Variants in MTMR7 observed in about 807,000 individuals in gnomAD.
MTMR7 encodes myotubularin related protein 7.
In MTMR7, 76 loss-of-function variants were observed where a neutral mutation model predicts 81.2. That is an observed-to-expected ratio of 0.94 (90% confidence interval 0.78 to 1.13). MTMR7 has a LOEUF of 1.13. Ranked by LOEUF, MTMR7 falls within the 50% of genes most tolerant of loss-of-function variation. The pLI, the probability that MTMR7 is intolerant of heterozygous loss-of-function variation, is 0.00. For synonymous variants in MTMR7, 372 were observed against 289.8 expected (o/e 1.28, Z -2.88); for missense variants, 1,044 against 820.0 (o/e 1.27, Z -3.34).
At chr8:17,405,217 G>C (rs571053480) in intron 1 of MTMR7, among the ~76,000 whole-genome samples, 1 of 152,338 alleles carries the variant, frequency 6.6e-6, no homozygotes, top group Non-Finnish European at 1.5e-5. Flanking sequence ...GGGATTCACT[G>C]TCAAGAACTA....
chr8:17,413,041 C>A (rs1227326618), intron 1 of MTMR7, among the ~76,000 whole-genome samples: 2 of 152,220 alleles, frequency 1.3e-5, no homozygotes, highest in African/African-American at 4.8e-5. Flanking sequence ...CCCCCAAAAC[C>A]AAGAGGTCAG....
At chr8:17,346,592 A>G (rs1200700096) in intron 5 of MTMR7, among the ~76,000 whole-genome samples, 1 of 152,064 alleles carries the variant, frequency 6.6e-6, no homozygotes, top group African/African-American at 2.4e-5. Flanking sequence ...TTTCTGAGAC[A>G]ATACATATTT....
At chr8:17,309,421 A>G (rs1817666570) in intron 9 of MTMR7, 95 bp from the exon 10 acceptor site, 5 of 836,044 alleles carry the variant, frequency 6.0e-6, no homozygotes, top group African/African-American at 5.1e-5. Flanking sequence ...AGGCACTTGC[A>G]GAAGTCCCCA....
chr8:17,394,033 T>C (rs1462457542), intron 1 of MTMR7, among the ~76,000 whole-genome samples: 2 of 151,918 alleles, frequency 1.3e-5, no homozygotes, highest in Non-Finnish European at 2.9e-5. Flanking sequence ...ATAGCTATAA[T>C]CAAGAGATAA....
At chr8:17,334,571 T>C (rs1170274654) in intron 6 of MTMR7, among the ~76,000 whole-genome samples, 1 of 152,228 alleles carries the variant, frequency 6.6e-6, no homozygotes, top group South Asian at 2.1e-4. Flanking sequence ...ATTTGCTGTT[T>C]GATAATATCA....
chr8:17,347,407 G>C (rs1249025458), intron 5 of MTMR7, among the ~76,000 whole-genome samples: 4 of 152,132 alleles, frequency 2.6e-5, no homozygotes, highest in African/African-American at 9.7e-5. Context: ...AGTAGCAACA[G>C]AGAGGGCTAT....
At chr8:17,395,146 A>C (rs953252191) in intron 1 of MTMR7, among the ~76,000 whole-genome samples, 1 of 152,080 alleles carries the variant, frequency 6.6e-6, no homozygotes, top group African/African-American at 2.4e-5. Flanking sequence ...TATATACCTC[A>C]TGTAAGTGGA....
chr8:17,323,229 G>A (rs1250995342), intron 7 of MTMR7, among the ~76,000 whole-genome samples: 3 of 152,000 alleles, frequency 2.0e-5, no homozygotes, highest in South Asian at 2.1e-4. Flanking sequence ...TTACAGGTAT[G>A]AGCCACCACA....
chr8:17,330,394 C>G (rs2150528467), intron 7 of MTMR7, among the ~76,000 whole-genome samples: 1 of 152,340 alleles, frequency 6.6e-6, no homozygotes, highest in South Asian at 2.1e-4. Context: ...TCTGCATCCT[C>G]TGTCTTTTCC....
chr8:17,380,687 C>T (rs545095877), intron 1 of MTMR7, among the ~76,000 whole-genome samples: 5 of 152,260 alleles, frequency 3.3e-5, no homozygotes, highest in African/African-American at 1.2e-4. Context: ...GTCTGTCTAA[C>T]TTCAAAGCCA....
At chr8:17,378,956 G>A (rs1488750057) in intron 1 of MTMR7, among the ~76,000 whole-genome samples, 2 of 152,192 alleles carry the variant, frequency 1.3e-5, no homozygotes, top group East Asian at 1.9e-4. Context: ...CGAGCAGGCA[G>A]AGTGAGAAGA....
chr8:17,343,439 G>A (rs906297343), intron 5 of MTMR7, among the ~76,000 whole-genome samples: 1 of 151,638 alleles, frequency 6.6e-6, no homozygotes, highest in East Asian at 1.9e-4. Flanking sequence ...AAAAAAAAAA[G>A]AAATATTAGT....
chr8:17,359,893 GACA>G (rs1298320402), intron 4 of MTMR7, among the ~76,000 whole-genome samples: 1 of 152,020 alleles, frequency 6.6e-6, no homozygotes, highest in Non-Finnish European at 1.5e-5. Flanking sequence ...AATTATTTTT[GACA>G]ACATGTACAA....
chr8:17,412,007 C>G (rs958968892), intron 1 of MTMR7, among the ~76,000 whole-genome samples: 4 of 152,224 alleles, frequency 2.6e-5, no homozygotes, highest in Non-Finnish European at 5.9e-5. Flanking sequence ...CACTTAAACT[C>G]TGAAAGCTTT....
intron 5 of MTMR7, among the ~76,000 whole-genome samples, chr8:17,348,667 G>A (rs1430514442): frequency 6.6e-6 from 1 of 151,994 alleles, no homozygotes; most frequent in African/African-American, 2.4e-5. Flanking sequence ...GATTCCCAAG[G>A]TGCCCACTTA....
At chr8:17,381,765 G>C (rs1035235026) in intron 1 of MTMR7, among the ~76,000 whole-genome samples, 1 of 152,212 alleles carries the variant, frequency 6.6e-6, no homozygotes, top group Non-Finnish European at 1.5e-5. Context: ...ACAAGTTTAT[G>C]TTCTAATCTA....
At chr8:17,380,584 A>C (rs1820728023) in intron 1 of MTMR7, among the ~76,000 whole-genome samples, 1 of 151,748 alleles carries the variant, frequency 6.6e-6, no homozygotes, top group Non-Finnish European at 1.5e-5. Flanking sequence ...AAAAAAAAAA[A>C]AGGACCATGC....
intron 5 of MTMR7, 129 bp downstream of exon 5, chr8:17,348,824 A>G: frequency 2.8e-6 from 3 of 1,089,498 alleles, no homozygotes; most frequent in Non-Finnish European, 4.1e-6. Flanking sequence ...TACCATGCAC[A>G]GGAATATCCA....
At chr8:17,382,293 G>A (rs559710110) in intron 1 of MTMR7, among the ~76,000 whole-genome samples, 5 of 152,316 alleles carry the variant, frequency 3.3e-5, no homozygotes, top group African/African-American at 1.2e-4. Flanking sequence ...AAGCCCACCA[G>A]CCTGGAGGAA....
Sources: gnomAD v4.1 joint callset for allele counts (sites outside exome capture counted in the v4.1 genomes callset) on GRCh38, gnomAD v4.1.1 for gene constraint, MANE v1.5 for transcripts, NCBI Gene and HGNC (gene_info 2026-07-23, HGNC 2026-07-21) for gene names.